The following GPR158 variants were observed in gnomAD, a reference collection of about 807,000 sequenced individuals.
The protein encoded by GPR158 is G protein-coupled receptor 158.
Under a neutral mutation model 78.2 loss-of-function variants are expected in GPR158, and 30 were observed. That is an observed-to-expected ratio of 0.38 (90% CI 0.29 to 0.52). The LOEUF (loss-of-function observed/expected upper bound fraction) is 0.52, where lower values mean the gene tolerates loss of function less well. GPR158 is among the 20% of genes least tolerant of loss of function. GPR158 has a pLI of 0.83. For synonymous variants in GPR158, 581 were observed against 591.1 expected, an observed-to-expected ratio of 0.98 and a Z score of 0.25; for missense variants, 1,463 against 1,523.5, an observed-to-expected ratio of 0.96 and a Z score of 0.66.
At chr10:25,257,474 C>G (rs112187484) in intron 2 of GPR158, among the ~76,000 whole-genome samples, 2,998 of 152,206 alleles carry the variant, frequency 0.02, 85 homozygotes, top group South Asian at 0.057. Context: ...AAAAGCTGAT[C>G]GGCTATTTAG....
At chr10:25,247,405 G>A (rs1421531772) in intron 2 of GPR158, among the ~76,000 whole-genome samples, 3 of 139,918 alleles carry the variant, frequency 2.1e-5, no homozygotes, top group African/African-American at 5.5e-5. Context: ...ATGCTGGTGC[G>A]CTGCACCCAC....
intron 3 of GPR158, among the ~76,000 whole-genome samples, chr10:25,404,634 T>G (rs1211590756): frequency 1.3e-5 from 2 of 152,098 alleles, no homozygotes; most frequent in Non-Finnish European, 2.9e-5. Flanking sequence ...CATTCATGAT[T>G]GTATTTTATG....
At chr10:25,449,436 C>A (rs1016340777) in intron 4 of GPR158, among the ~76,000 whole-genome samples, 1 of 152,194 alleles carries the variant, frequency 6.6e-6, no homozygotes, top group African/African-American at 2.4e-5. Context: ...GGAAGTGATT[C>A]TTATCAATGT....
intron 1 of GPR158, among the ~76,000 whole-genome samples, chr10:25,208,403 CTAAA>C (rs1181537271): frequency 3.9e-5 from 6 of 152,102 alleles, no homozygotes; most frequent in African/African-American, 1.4e-4. Flanking sequence ...TGATTGACAA[CTAAA>C]TAAATGATGG....
At chr10:25,547,126 A>G (rs952691711) in intron 5 of GPR158, among the ~76,000 whole-genome samples, 2 of 152,116 alleles carry the variant, frequency 1.3e-5, no homozygotes, top group Admixed American at 1.3e-4. Context: ...AGAAATAGGA[A>G]AATGTTTGGT....
intron 2 of GPR158, among the ~76,000 whole-genome samples, chr10:25,360,520 T>G (rs1010389564): frequency 2.0e-5 from 3 of 151,746 alleles, no homozygotes; most frequent in Admixed American, 1.3e-4. Flanking sequence ...CCTTTCCCCA[T>G]TGCTTGTTTT....
At chr10:25,300,001 A>G (rs530387576) in intron 2 of GPR158, among the ~76,000 whole-genome samples, 1 of 151,860 alleles carries the variant, frequency 6.6e-6, no homozygotes, top group African/African-American at 2.4e-5. Context: ...TAGGTGATCC[A>G]CCCACCTCGG....
intron 2 of GPR158, among the ~76,000 whole-genome samples, chr10:25,348,021 A>G (rs1475096921): frequency 6.6e-6 from 1 of 151,916 alleles, no homozygotes; most frequent in African/African-American, 2.4e-5. Context: ...CTTGGTTCCT[A>G]CTGTAGCATG....
chr10:25,472,591 AT>A (rs1472766336), intron 5 of GPR158, among the ~76,000 whole-genome samples: 6 of 152,200 alleles, frequency 3.9e-5, no homozygotes, highest in Non-Finnish European at 7.3e-5. Flanking sequence ...CTTCCTACCC[AT>A]GAGCATGGAA....
At chr10:25,591,369 C>A (rs558414286) in intron 8 of GPR158, among the ~76,000 whole-genome samples, 1 of 152,076 alleles carries the variant, frequency 6.6e-6, no homozygotes, top group Non-Finnish European at 1.5e-5. Flanking sequence ...TTCAAGGTGA[C>A]GGGAAGTACA....
chr10:25,184,681 A>T (rs73608247), intron 1 of GPR158, among the ~76,000 whole-genome samples: 123 of 152,342 alleles, frequency 8.1e-4, no homozygotes, highest in African/African-American at 2.9e-3. Context: ...TGCCTAGGAT[A>T]GTGAAAATAA....
chr10:25,272,326 A>G (rs796718928), intron 2 of GPR158, among the ~76,000 whole-genome samples: 12 of 152,242 alleles, frequency 7.9e-5, no homozygotes, highest in African/African-American at 2.9e-4. Context: ...ACATTTTCTT[A>G]ATGAAAGAAA....
intron 2 of GPR158, among the ~76,000 whole-genome samples, chr10:25,272,578 A>AT (rs1854131583): frequency 6.6e-6 from 1 of 152,200 alleles, no homozygotes; most frequent in Admixed American, 6.5e-5. Context: ...TCAGCTTTCT[A>AT]TTTTGAGCAG....
At chr10:25,302,176 G>T (rs554765684) in intron 2 of GPR158, among the ~76,000 whole-genome samples, 9 of 145,804 alleles carry the variant, frequency 6.2e-5, no homozygotes, top group Non-Finnish European at 1.3e-4. Context: ...GGTTCACGCC[G>T]TTCTCCTGCC....
At position 25,176,014 on chromosome 10, in the gene GPR158, G is replaced by C. The variant is rs1487252016; in HGVS notation, c.594G>C (p.Glu198Asp). 6 of 1,612,380 alleles carry C rather than the reference G, an allele frequency of 3.7e-6. No homozygotes were observed. The highest frequency in any genetic ancestry group is 2.2e-5 in the East Asian group (1 of 44,812). Reference protein sequence around the residue: ...PQVFLQATREESRILLQDLSS... With the variant: ...PQVFLQATREDSRILLQDLSS... Reference sequence around the variant, plus strand: ...TCTTCCTCCAGGCCACGCGCGAGGAGAGCCGCATCCTGCTCCAAGACCTGT... The same window carrying C: ...TCTTCCTCCAGGCCACGCGCGAGGACAGCCGCATCCTGCTCCAAGACCTGT... The change falls in exon 1 of 11, where the codon GAG becomes GAC. Residue 198 changes from glutamate (E) to aspartate (D), a missense_variant. Glu to Asp is a conservative substitution (Grantham distance 45). Transcript: ENST00000376351. This position sits in a 1 kb window ranked among gnomAD's most constrained non-coding sequence, Gnocchi z 6.3.
At chr10:25,450,167 G>T (rs928174817) in intron 4 of GPR158, among the ~76,000 whole-genome samples, 1 of 152,056 alleles carries the variant, frequency 6.6e-6, no homozygotes, top group Non-Finnish European at 1.5e-5. Context: ...GAGAGAGCAG[G>T]GAGGTGGAAA....
intron 3 of GPR158, among the ~76,000 whole-genome samples, chr10:25,399,217 A>T (rs1158077600): frequency 6.6e-6 from 1 of 152,126 alleles, no homozygotes; most frequent in Admixed American, 6.5e-5. Context: ...CACTATCATG[A>T]GAATGGCATA....
At position 25,175,071 on chromosome 10, in the gene GPR158, G is replaced by A. The variant is rs1852503469; in HGVS notation, c.-350G>A. On this transcript the variant is annotated 5_prime_UTR_variant, in exon 1 of 11. Transcript: ENST00000376351. This position sits in a 1 kb window ranked among gnomAD's most constrained non-coding sequence, Gnocchi z 6.4. ...CTTCTGAACGCGCCTCAATGAGAGC[G>A]GCGGTGGCGGCAGCCGGGCCGAGAG... The A allele has an allele frequency of 4.5e-6, 1 of 220,596 alleles. No homozygotes were observed. Among genetic ancestry groups the A allele is most frequent in the Non-Finnish European group, 8.9e-6 (1 of 111,970 alleles). The allele number at this position is 220,596 out of a possible 1,614,324, so 13.7% of individuals were successfully genotyped here.
At chr10:25,357,562 G>T (rs1855570861) in intron 2 of GPR158, among the ~76,000 whole-genome samples, 1 of 152,118 alleles carries the variant, frequency 6.6e-6, no homozygotes, top group South Asian at 2.1e-4. Flanking sequence ...TACAGCTCAG[G>T]CTGTGGCTTC....
Sources: allele counts gnomAD v4.1 joint callset (sites outside exome capture counted in the v4.1 genomes callset), GRCh38; gene constraint gnomAD v4.1.1; non-coding constraint Gnocchi (gnomAD v3.1); transcripts MANE v1.5; gene names NCBI Gene and HGNC (gene_info 2026-07-23, HGNC 2026-07-21).